KREMEN1: variants seen among roughly 807,000 people sequenced by gnomAD.
The protein encoded by KREMEN1 is kringle containing transmembrane protein 1, also known as kremen protein 1.
In KREMEN1, 30 loss-of-function variants were observed where a neutral mutation model predicts 46.5. That is an observed-to-expected ratio of 0.65 (90% CI 0.48 to 0.88). KREMEN1 has a LOEUF of 0.88. Among genes scored for constraint, KREMEN1 ranks in the 40% least tolerant of loss-of-function variants. KREMEN1 has a pLI of 0.00. For missense variants in KREMEN1, 533 were observed against 596.9 expected, an observed-to-expected ratio of 0.89 and a Z score of 1.11; for synonymous variants, 214 against 230.6, an observed-to-expected ratio of 0.93 and a Z score of 0.65.
At chr22:29,113,589 C>A (rs1320348333) in intron 3 of KREMEN1, among the ~76,000 whole-genome samples, 1 of 152,094 alleles carries the variant, frequency 6.6e-6, no homozygotes, top group African/African-American at 2.4e-5. Context: ...TCACAAGAAC[C>A]CTTTGAGGTC....
rs964064347 is a variant in KREMEN1, at chr22:29,094,483, C to G, written c.260+63C>G. 2.8e-6 allele frequency: 4 copies of G among 1,431,720 alleles called. No individual in the cohort carries two copies. In the African/African-American group the frequency reaches 4.3e-5, roughly 15 times the overall value. The allele number at this position is 1,431,720 out of a possible 1,614,324, so 88.7% of individuals were successfully genotyped here. ...ATATATCTAGTCTCTTCTTCCAACC[C>G]CTTTCATCCCAGCTCACAACTAGGG... On this transcript the variant is annotated intron_variant, in intron 2 of 8. Coordinates refer to ENST00000400335, the MANE Select transcript of KREMEN1 (RefSeq NM_001039570.3).
chr22:29,073,194 C>A lies in KREMEN1; in HGVS notation c.64C>A (p.Pro22Thr). 4 of 1,192,498 alleles carry A rather than the reference C, an allele frequency of 3.4e-6. No individual in the cohort carries two copies. The allele number at this position is 1,192,498 out of a possible 1,614,324, so 73.9% of individuals were successfully genotyped here. A position where few individuals can be genotyped will look rare whatever the true frequency, so the allele number is the denominator to read the frequency against. Residue 22 changes from proline (P) to threonine (T), a missense_variant, in exon 1 of 9, where the codon CCC becomes ACC. Pro to Thr is a conservative substitution (Grantham distance 38, BLOSUM62 -1). Coordinates refer to ENST00000400335, the MANE Select transcript of KREMEN1 (RefSeq NM_001039570.3). This position sits in a 1 kb window ranked among gnomAD's most constrained non-coding sequence, Gnocchi z 4.4. The part of the protein sequence containing the change: ...SAAALTLAAR[P>T]APSPGLGPGP... ...CGCGGCGCTCACGCTGGCGGCCCGGCCCGCGCCTAGCCCCGGCCTCGGCCC... is the reference window on the plus strand; with the variant it reads ...CGCGGCGCTCACGCTGGCGGCCCGGACCGCGCCTAGCCCCGGCCTCGGCCC...
At chr22:29,140,698 C>T (rs1034843451) in intron 8 of KREMEN1, among the ~76,000 whole-genome samples, 4 of 152,190 alleles carry the variant, frequency 2.6e-5, no homozygotes, top group South Asian at 4.1e-4. Context: ...AGGACGATGC[C>T]GTGCATACTT....
intron 3 of KREMEN1, among the ~76,000 whole-genome samples, chr22:29,118,943 G>T (rs1053541008): frequency 6.6e-6 from 1 of 152,074 alleles, no homozygotes. Context: ...CAAGGAGTGG[G>T]TCCCAACTTG....
At chr22:29,150,794 C>T (rs2038908720), downstream of KREMEN1, among the ~76,000 whole-genome samples, 1 of 152,192 alleles carries the variant, frequency 6.6e-6, no homozygotes, top group Non-Finnish European at 1.5e-5. Context: ...CTCTGCAGTA[C>T]GTACTGTGTA....
At chr22:29,120,472 TGGAAACAGGGAGGAAGGAGAGGTGATAAA>T (rs2038331730) in intron 3 of KREMEN1, among the ~76,000 whole-genome samples, 43 of 59,048 alleles carry the variant, frequency 7.3e-4, no homozygotes, top group Admixed American at 1.9e-3. Flanking sequence ...GACGTGATGA[TGGAAACAGGGAGGAAGGAGAGGTGATAAA>T]GGAAACGGAG....
rs187805870 is a variant in KREMEN1, at chr22:29,145,845, G to A, written c.*3733G>A. 1 of 985,634 alleles carries A rather than the reference G, an allele frequency of 1.0e-6. No individual in the cohort carries two copies. The highest frequency in any genetic ancestry group is 1.1e-4 in the East Asian group (1 of 8,810). The allele number at this position is 985,634 out of a possible 1,614,324, so 61.1% of individuals were successfully genotyped here. ...CCCACAGAGATCAAAGCACTAGCAA[G>A]TTCAGCTGTCCTGGCCCTCGGGTAG... On this transcript the variant is annotated 3_prime_UTR_variant, in exon 9 of 9. Coordinates refer to ENST00000400335, the MANE Select transcript of KREMEN1 (RefSeq NM_001039570.3).
At chr22:29,075,635 T>C (rs2037555989) in intron 1 of KREMEN1, among the ~76,000 whole-genome samples, 1 of 152,150 alleles carries the variant, frequency 6.6e-6, no homozygotes, top group Non-Finnish European at 1.5e-5. Flanking sequence ...AGATACCCCA[T>C]GGTCTTCACC....
intron 1 of KREMEN1, among the ~76,000 whole-genome samples, chr22:29,082,530 T>C (rs2037671260): frequency 1.3e-5 from 2 of 152,226 alleles, no homozygotes; most frequent in South Asian, 4.1e-4. Flanking sequence ...AGGAAACTAA[T>C]GCACCCTGAA....
intron 3 of KREMEN1, among the ~76,000 whole-genome samples, chr22:29,107,299 C>A (rs1223949486): frequency 1.4e-5 from 2 of 147,326 alleles, no homozygotes; most frequent in African/African-American, 5.1e-5. Context: ...TCTCAGCTCA[C>A]TGCAACCTCT....
chr22:29,090,566 G>C (rs953993564), intron 1 of KREMEN1, among the ~76,000 whole-genome samples: 2 of 152,088 alleles, frequency 1.3e-5, no homozygotes, highest in South Asian at 2.1e-4. Flanking sequence ...ACAGTGTGGA[G>C]GTTCCTCAAA....
intron 9 of KREMEN1, among the ~76,000 whole-genome samples, chr22:29,152,075 A>G: frequency 6.6e-6 from 1 of 151,714 alleles, no homozygotes; most frequent in Non-Finnish European, 1.5e-5. Context: ...TTGCTTTCCT[A>G]AGAGACAAGA....
Position 29,144,004 on chromosome 22 carries a change from C to G in KREMEN1, c.*1892C>G, listed in dbSNP as rs1259191442. On this transcript the variant is annotated 3_prime_UTR_variant, in exon 9 of 9. Transcript: ENST00000400335. ...TGCTGGTTGGGAGAGTAAGTGCCAT[C>G]ACTAATTTAAAAGTCCTTGCCATCT... 1.0e-6 allele frequency: 1 copy of G among 985,394 alleles called. No individual in the cohort carries two copies. Among genetic ancestry groups the G allele is most frequent in the Non-Finnish European group, 1.2e-6 (1 of 829,996 alleles). The allele number at this position is 985,394 out of a possible 1,614,324, so 61.0% of individuals were successfully genotyped here.
intron 3 of KREMEN1, among the ~76,000 whole-genome samples, chr22:29,119,151 C>G (rs139128017): frequency 6.6e-6 from 1 of 152,074 alleles, no homozygotes. Flanking sequence ...AGTTCAAAAC[C>G]AGCCTGAGCA....
intron 2 of KREMEN1, among the ~76,000 whole-genome samples, chr22:29,095,719 G>C: frequency 6.6e-6 from 1 of 152,070 alleles, no homozygotes; most frequent in East Asian, 1.9e-4. Flanking sequence ...CTTTGCTAAC[G>C]CTCTAGGGCC....
chr22:29,117,700 A>G (rs918082351), intron 3 of KREMEN1, among the ~76,000 whole-genome samples: 3 of 152,230 alleles, frequency 2.0e-5, no homozygotes, highest in Admixed American at 1.3e-4. Flanking sequence ...CTTCAGTTAT[A>G]TAAACCATGA....
At chr22:29,076,448 A>C (rs1161739991) in intron 1 of KREMEN1, among the ~76,000 whole-genome samples, 3 of 152,216 alleles carry the variant, frequency 2.0e-5, no homozygotes, top group South Asian at 2.1e-4. Context: ...TGAAGGGTGC[A>C]TACCAGTTAC....
downstream of KREMEN1, among the ~76,000 whole-genome samples, chr22:29,149,411 T>A (rs2038898544): frequency 1.3e-5 from 2 of 152,164 alleles, no homozygotes; most frequent in Admixed American, 1.3e-4. Flanking sequence ...TCCGCCCACC[T>A]TGCCCTCCCA....
intron 1 of KREMEN1, among the ~76,000 whole-genome samples, chr22:29,078,223 A>C (rs2037601870): frequency 6.6e-6 from 1 of 152,180 alleles, no homozygotes; most frequent in Non-Finnish European, 1.5e-5. Flanking sequence ...GTGCCACTGC[A>C]CTCCAGTCTG....
Sources: allele counts gnomAD v4.1 joint callset (sites outside exome capture counted in the v4.1 genomes callset), GRCh38; gene constraint gnomAD v4.1.1; non-coding constraint Gnocchi (gnomAD v3.1); transcripts MANE v1.5; gene names NCBI Gene and HGNC (gene_info 2026-07-23, HGNC 2026-07-21).